ARHGAP44: variants seen among roughly 807,000 people sequenced by gnomAD.
The protein encoded by ARHGAP44 is Rho GTPase activating protein 44.
Under a neutral mutation model 106.8 loss-of-function variants are expected in ARHGAP44, and 43 were observed. That is an observed-to-expected ratio of 0.40 (90% CI 0.32 to 0.52). The LOEUF (loss-of-function observed/expected upper bound fraction) is 0.52, where lower values mean the gene tolerates loss of function less well. ARHGAP44 is among the 20% of genes least tolerant of loss of function. ARHGAP44 has a pLI of 0.48. For synonymous variants in ARHGAP44, 439 were observed against 410.3 expected (o/e 1.07, Z -0.85); for missense variants, 866 against 1,050.5 (o/e 0.82, Z 2.43).
intron 1 of ARHGAP44, among the ~76,000 whole-genome samples, chr17:12,842,259 A>G (rs535394569): frequency 6.6e-6 from 1 of 151,872 alleles, no homozygotes; most frequent in Non-Finnish European, 1.5e-5. Flanking sequence ...AAATATATGT[A>G]TCAAACAATT....
rs1157325814 is a variant in ARHGAP44, at chr17:12,978,036, CAAA to C, written c.1764-2004_1764-2002del. Among the ~76,000 whole-genome samples the C allele has an allele frequency of 7.6e-3, 680 of 89,300 alleles. 13 individuals carry two copies. The highest frequency in any genetic ancestry group is 0.011 in the Non-Finnish European group (574 of 50,796). 58.6% of individuals were successfully genotyped at this position (89,300 alleles called of 152,430 possible). On this transcript the variant is annotated intron_variant, in intron 18 of 20. Coordinates refer to ENST00000379672, the MANE Select transcript of ARHGAP44 (RefSeq NM_014859.6). ...TGGGCAACAGAGCAAGACTCCATCTCAAAAAAAAAAAAAAAAAAAAGTGTGTTT... is the reference window on the plus strand; with the variant it reads ...TGGGCAACAGAGCAAGACTCCATCTCAAAAAAAAAAAAAAAAAGTGTGTTT...
chr17:12,843,410 C>T (rs1009149009), intron 1 of ARHGAP44, among the ~76,000 whole-genome samples: 5 of 138,698 alleles, frequency 3.6e-5, no homozygotes, highest in Admixed American at 3.4e-4. Context: ...TCATTGTAAG[C>T]ATTTTTTTTT....
intron 1 of ARHGAP44, among the ~76,000 whole-genome samples, chr17:12,798,877 A>T (rs978091607): frequency 6.6e-6 from 1 of 152,156 alleles, no homozygotes; most frequent in African/African-American, 2.4e-5. Context: ...GATTTCTTGA[A>T]TGGTTATTGG....
chr17:12,804,807 CTG>C (rs2150770135), intron 1 of ARHGAP44, among the ~76,000 whole-genome samples: 1 of 152,336 alleles, frequency 6.6e-6, no homozygotes, highest in African/African-American at 2.4e-5. Context: ...CTGCACACAT[CTG>C]TCTCTGGTAC....
In ARHGAP44 at chr17:12,861,644, C is replaced by CTT. The variant is rs71144930; in HGVS notation, c.54-33283_54-33282dup. ...AATTCCTCTTCTGCCTCCTCTTCCA[C>CTT]TTTTTTTTTTTTTTGAGATGGAATC... On this transcript the variant is annotated intron_variant, in intron 1 of 20. Coordinates refer to ENST00000379672, the MANE Select transcript of ARHGAP44 (RefSeq NM_014859.6). Among the ~76,000 whole-genome samples, 10 of 67,758 alleles carry CTT rather than the reference C, an allele frequency of 1.5e-4. 2 individuals are homozygous for CTT. The highest frequency in any genetic ancestry group is 8.5e-4 in the East Asian group (2 of 2,360). The allele number at this position is 67,758 out of a possible 152,430, so 44.5% of individuals were successfully genotyped here. A position where few individuals can be genotyped will look rare whatever the true frequency, so the allele number is the denominator to read the frequency against.
chr17:12,930,239 C>CT (rs372665207), intron 7 of ARHGAP44, among the ~76,000 whole-genome samples: 2,169 of 146,752 alleles, frequency 0.015, 11 homozygotes, highest in South Asian at 0.038. Flanking sequence ...CTCTCTCTCT[C>CT]TTTTTTTTTT....
chr17:12,982,758 C>T (rs11655929), intron 19 of ARHGAP44: 50,439 of 152,030 alleles, frequency 0.33, 9,023 homozygotes, highest in Non-Finnish European at 0.41. Flanking sequence ...GGGAATACAG[C>T]GGGTAAGTGG....
At chr17:12,846,902 A>G (rs2035585949) in intron 1 of ARHGAP44, among the ~76,000 whole-genome samples, 2 of 152,218 alleles carry the variant, frequency 1.3e-5, no homozygotes, top group East Asian at 1.9e-4. Context: ...AATCTCTTAT[A>G]CAGAGGAAAA....
intron 1 of ARHGAP44, among the ~76,000 whole-genome samples, chr17:12,827,673 T>G (rs1198355165): frequency 6.6e-6 from 1 of 152,180 alleles, no homozygotes; most frequent in East Asian, 1.9e-4. Context: ...TTTTCTATAT[T>G]TCATGGTTTA....
Position 12,943,772 on chromosome 17 carries a change from A to C in ARHGAP44, c.733+103A>C. 2.4e-6 allele frequency: 3 copies of C among 1,248,728 alleles called. No individual in the cohort carries two copies. The South Asian group carries it at 3.8e-5, about 16-fold the overall frequency. 77.4% of individuals were successfully genotyped at this position (1,248,728 alleles called of 1,614,324 possible). ...GTCGTTGGCCCTAACACTCTGCCCA[A>C]CAGCATCACCTGTAGATGAGCCTTT... is the stretch of plus-strand genomic sequence containing the variant. On this transcript the variant is annotated intron_variant, in intron 9 of 20. Transcript: ENST00000379672.
intron 3 of ARHGAP44, among the ~76,000 whole-genome samples, chr17:12,906,592 A>T (rs2037556587): frequency 1.3e-5 from 2 of 152,212 alleles, no homozygotes; most frequent in South Asian, 4.1e-4. Flanking sequence ...GAAAAGAGTA[A>T]ACTTAGGGCA....
At chr17:12,910,827 C>T (rs1348600938) in intron 4 of ARHGAP44, among the ~76,000 whole-genome samples, 1 of 151,918 alleles carries the variant, frequency 6.6e-6, no homozygotes, top group African/African-American at 2.4e-5. Flanking sequence ...ATCAGTATTT[C>T]AAGCTCCTGT....
chr17:12,883,672 T>C (rs1243821752), intron 1 of ARHGAP44, among the ~76,000 whole-genome samples: 1 of 152,134 alleles, frequency 6.6e-6, no homozygotes, highest in Non-Finnish European at 1.5e-5. Flanking sequence ...TGTTATTTAT[T>C]TGAATTTAAA....
Position 12,862,792 on chromosome 17 carries a change from C to T in ARHGAP44, c.54-32148C>T, listed in dbSNP as rs956325493. 8.5e-4 allele frequency among the ~76,000 whole-genome samples: 128 copies of T among 151,454 alleles called. 1 individual carries two copies. Among genetic ancestry groups the T allele is most frequent in the African/African-American group, 2.6e-3 (108 of 41,234 alleles). On this transcript the variant is annotated intron_variant, in intron 1 of 20. Transcript: ENST00000379672. The stretch of plus-strand genomic sequence containing the variant: ...GCAGGATCACTTGAAGCCAGGAGTT[C>T]GAGACCAGCCTGGACAACATAGTGA...
chr17:12,921,152 C>T (rs1598057431), intron 6 of ARHGAP44, among the ~76,000 whole-genome samples: 3 of 151,714 alleles, frequency 2.0e-5, no homozygotes, highest in East Asian at 1.9e-4. Flanking sequence ...CTGCAACCTC[C>T]GCCTCCCAGG....
chr17:12,943,725 G>C (rs140963737), intron 9 of ARHGAP44, 56 bp downstream of exon 9: 10 of 1,539,288 alleles, frequency 6.5e-6, no homozygotes, highest in African/African-American at 1.4e-5. Context: ...TTGCCTTCCC[G>C]GATGAGATGA....
chr17:12,879,746 A>ACACACT (rs1230524071), intron 1 of ARHGAP44, among the ~76,000 whole-genome samples: 3 of 151,182 alleles, frequency 2.0e-5, no homozygotes, highest in African/African-American at 7.3e-5. Context: ...ACACACACAC[A>ACACACT]CACACTTACA....
At chr17:12,909,072 C>A (rs2037645608) in intron 4 of ARHGAP44, 99 bp downstream of exon 4, 3 of 1,047,708 alleles carry the variant, frequency 2.9e-6, no homozygotes, top group South Asian at 1.7e-5. Flanking sequence ...TGAATTCTCA[C>A]TGGGGACTTT....
intron 1 of ARHGAP44, among the ~76,000 whole-genome samples, chr17:12,815,685 C>G (rs528404170): frequency 6.6e-6 from 1 of 152,088 alleles, no homozygotes; most frequent in Non-Finnish European, 1.5e-5. Flanking sequence ...CCAAATTGGC[C>G]GTTGGGTGGT....
Sources: allele counts gnomAD v4.1 joint callset (sites outside exome capture counted in the v4.1 genomes callset), GRCh38; gene constraint gnomAD v4.1.1; transcripts MANE v1.5; gene names NCBI Gene and HGNC (gene_info 2026-07-23, HGNC 2026-07-21).